Variants in DENND1B observed in about 807,000 individuals in gnomAD.
DENND1B encodes DENN domain-containing protein 1B.
A neutral mutation model predicts 90.1 loss-of-function variants in DENND1B; 59 were observed. The observed-to-expected ratio is 0.65, with a 90% CI of 0.53 to 0.81. The LOEUF (loss-of-function observed/expected upper bound fraction) is 0.81. Ranked by LOEUF, DENND1B falls within the 40% of genes least tolerant of loss-of-function variation. DENND1B has a pLI of 0.00. For synonymous variants in DENND1B, 337 were observed against 324.6 expected, an observed-to-expected ratio of 1.04 and a Z score of -0.41; for missense variants, 862 against 912.6, an observed-to-expected ratio of 0.94 and a Z score of 0.71.
At chr1:197,513,210 C>T (rs1157759582) in intron 20 of DENND1B, among the ~76,000 whole-genome samples, 1 of 150,618 alleles carries the variant, frequency 6.6e-6, no homozygotes, top group Non-Finnish European at 1.5e-5. Context: ...GGATTGAATA[C>T]ATATGCACAG....
chr1:197,742,123 C>T (rs913309290), intron 2 of DENND1B, among the ~76,000 whole-genome samples: 5 of 152,144 alleles, frequency 3.3e-5, no homozygotes, highest in African/African-American at 1.2e-4. Flanking sequence ...TACCATCTAA[C>T]ATAGCAATCT....
chr1:197,627,917 C>G (rs1678929736), intron 10 of DENND1B, among the ~76,000 whole-genome samples: 1 of 152,062 alleles, frequency 6.6e-6, no homozygotes, highest in South Asian at 2.1e-4. Flanking sequence ...AGTTAACTCC[C>G]ATTCACAATT....
At chr1:197,605,533 G>GTAGGAAGTACA (rs1676596324) in intron 13 of DENND1B, 1 of 150,872 alleles carries the variant, frequency 6.6e-6, no homozygotes, top group South Asian at 2.1e-4. Flanking sequence ...GGCATTAACG[G>GTAGGAAGTACA]TAGGAAGTAC....
At chr1:197,734,833 G>T (rs545523041) in intron 2 of DENND1B, 3 of 984,066 alleles carry the variant, frequency 3.0e-6, no homozygotes, top group Non-Finnish European at 2.4e-6. Flanking sequence ...CTTAACAAAA[G>T]AAATACATTT....
intron 7 of DENND1B, among the ~76,000 whole-genome samples, chr1:197,650,922 C>A (rs1653084617): frequency 6.6e-6 from 1 of 152,076 alleles, no homozygotes; most frequent in Admixed American, 6.6e-5. Context: ...GTAGTGTATA[C>A]TGCTAGAGTG....
intron 20 of DENND1B, among the ~76,000 whole-genome samples, chr1:197,514,293 G>C (rs1171259481): frequency 6.6e-6 from 1 of 151,534 alleles, no homozygotes; most frequent in Non-Finnish European, 1.5e-5. Context: ...ACAAATCCTT[G>C]ATTTCTTTCC....
rs779001752 is a variant in DENND1B, at chr1:197,738,866, A to G, written c.83-23792T>C. On this transcript the variant is annotated intron_variant, in intron 2 of 22. Coordinates refer to ENST00000620048, the MANE Select transcript of DENND1B (RefSeq NM_001195215.2). ...AAGGTAAGCCTTACAATTGGTCTTA[A>G]TATCTGGAGTTTCCAGGATGTGGCA... Among the ~76,000 whole-genome samples, 4 of 152,244 alleles carry G rather than the reference A, an allele frequency of 2.6e-5. No homozygotes were observed. The South Asian group carries it at 8.3e-4, about 32-fold the overall frequency.
At chr1:197,701,318 C>T (rs1408235943) in intron 3 of DENND1B, among the ~76,000 whole-genome samples, 1 of 152,144 alleles carries the variant, frequency 6.6e-6, no homozygotes, top group East Asian at 1.9e-4. Context: ...CCTCAGCAAA[C>T]TAACACAGGA....
rs979103951 is a variant in DENND1B, at chr1:197,509,585, G to A, written c.*875C>T. Reference sequence around the variant, plus strand: ...TTTTAAAAAGTAAATTTGAGATGATGATATGAAGCATTTTGATAGAGAATT... The same window carrying A: ...TTTTAAAAAGTAAATTTGAGATGATAATATGAAGCATTTTGATAGAGAATT... On this transcript the variant is annotated 3_prime_UTR_variant, in exon 23 of 23. Coordinates refer to ENST00000620048, the MANE Select transcript of DENND1B (RefSeq NM_001195215.2). The A allele has an allele frequency of 6.6e-6, 1 of 151,094 alleles. No individual in the cohort carries two copies. The highest frequency in any genetic ancestry group is 1.5e-5 in the Non-Finnish European group (1 of 67,668). 9.4% of individuals were successfully genotyped at this position (151,094 alleles called of 1,614,324 possible).
intron 2 of DENND1B, among the ~76,000 whole-genome samples, chr1:197,769,444 G>C (rs542393572): frequency 6.6e-6 from 1 of 152,210 alleles, no homozygotes; most frequent in South Asian, 2.1e-4. Context: ...GTCACCCCCA[G>C]AGTCACAAAC....
intron 20 of DENND1B, among the ~76,000 whole-genome samples, chr1:197,513,311 A>C (rs1668167368): frequency 6.6e-6 from 1 of 151,638 alleles, no homozygotes; most frequent in Non-Finnish European, 1.5e-5. Flanking sequence ...AACAATTAAC[A>C]GTATTTGCCA....
At chr1:197,626,938 T>C (rs566772241) in intron 10 of DENND1B, among the ~76,000 whole-genome samples, 15 of 152,028 alleles carry the variant, frequency 9.9e-5, no homozygotes, top group Non-Finnish European at 1.9e-4. Context: ...AAGAAATGGA[T>C]AAATTCCTCG....
intron 10 of DENND1B, among the ~76,000 whole-genome samples, chr1:197,625,476 C>A (rs1006104921): frequency 6.6e-6 from 1 of 151,888 alleles, no homozygotes; most frequent in African/African-American, 2.4e-5. Context: ...AGAGATTTCG[C>A]CACCACCAGG....
At chr1:197,529,225 T>G (rs1669391804) in intron 20 of DENND1B, among the ~76,000 whole-genome samples, 2 of 19,316 alleles carry the variant, frequency 1.0e-4, no homozygotes, top group African/African-American at 2.2e-4. Flanking sequence ...TATATATATA[T>G]ATATATATAT....
At chr1:197,529,272 A>ATATATGTATATATG (rs1669432007) in intron 20 of DENND1B, among the ~76,000 whole-genome samples, 10 of 10,700 alleles carry the variant, frequency 9.3e-4, no homozygotes, top group South Asian at 5.2e-3. Context: ...GTGTGTGTAT[A>ATATATGTATATATG]TGTATATATG....
chr1:197,718,146 T>C (rs1292715030), intron 2 of DENND1B, among the ~76,000 whole-genome samples: 1 of 152,020 alleles, frequency 6.6e-6, no homozygotes, highest in Admixed American at 6.6e-5. Context: ...GAGGAGCATA[T>C]GTTTTAAATA....
intron 5 of DENND1B, among the ~76,000 whole-genome samples, chr1:197,669,842 T>A (rs1655310402): frequency 1.3e-5 from 2 of 152,104 alleles, no homozygotes; most frequent in Admixed American, 1.3e-4. Context: ...TCAATAATAC[T>A]GTGAAATGTT....
chr1:197,775,105 C>G, intron 1 of DENND1B, 34 bp downstream of exon 1: 2 of 1,244,848 alleles, frequency 1.6e-6, no homozygotes, highest in Non-Finnish European at 1.0e-6. Context: ...CCGAGGGACG[C>G]CCGCCCCCGA....
intron 6 of DENND1B, among the ~76,000 whole-genome samples, chr1:197,655,726 G>T (rs984326213): frequency 3.9e-5 from 6 of 151,948 alleles, no homozygotes; most frequent in Admixed American, 3.9e-4. Flanking sequence ...TAGAGACGGG[G>T]TTTCACTGTG....
Sources: allele counts gnomAD v4.1 joint callset (sites outside exome capture counted in the v4.1 genomes callset), GRCh38; gene constraint gnomAD v4.1.1; transcripts MANE v1.5; gene names NCBI Gene and HGNC (gene_info 2026-07-23, HGNC 2026-07-21).